IFT122: variants seen among roughly 807,000 people sequenced by gnomAD.
IFT122 encodes intraflagellar transport 122.
A neutral mutation model predicts 161.6 loss-of-function variants in IFT122; 118 were observed. The observed-to-expected ratio is 0.73, with a 90% CI of 0.63 to 0.85. IFT122 has a LOEUF of 0.85. Among genes scored for constraint, IFT122 ranks in the 40% least tolerant of loss-of-function variants. IFT122 has a pLI of 0.00. For synonymous variants in IFT122, 550 were observed against 602.4 expected, an observed-to-expected ratio of 0.91 and a Z score of 1.27; for missense variants, 1,381 against 1,579.6, an observed-to-expected ratio of 0.87 and a Z score of 2.13.
In IFT122 at chr3:129,507,683, A is replaced by G. The variant is rs777485821; in HGVS notation, c.2807A>G (p.Asp936Gly). 6.2e-7 allele frequency: 1 copy of G among 1,614,122 alleles called. No homozygotes were observed. The highest frequency in any genetic ancestry group is 8.5e-7 in the Non-Finnish European group (1 of 1,179,964). Residue 936 changes from aspartate (D) to glycine (G), a missense_variant, in exon 23 of 30, where the codon GAC becomes GGC. Transcript: ENST00000348417. ...LDIAQDPAQK[D>G]TMLGKFYHFQ... ...CACACAGCAGATCCTGCCCAGAAGG[A>G]CACAATGCTTGGCAAGTTCTACCAC...
At chr3:129,461,419 T>C (rs1577368983) in intron 5 of IFT122, 115 bp downstream of exon 5, 1 of 793,368 alleles carries the variant, frequency 1.3e-6, no homozygotes, top group East Asian at 2.5e-5. Context: ...ACTACTTCTC[T>C]ACCTTCAATG....
In IFT122 at chr3:129,464,619, T is replaced by C. The variant is rs192128912; in HGVS notation, c.417-16T>C. The C allele has an allele frequency of 2.8e-4, 454 of 1,614,124 alleles. No individual in the cohort carries two copies. The highest frequency in any genetic ancestry group is 5.7e-4 in the Admixed American group (34 of 60,018). On this transcript the variant is annotated splice_polypyrimidine_tract_variant and intron_variant, in intron 6 of 29. Coordinates refer to ENST00000348417, the MANE Select transcript of IFT122 (RefSeq NM_052989.3). ...GCTTCCCCTATCCCCATGCCTTTTGTTGGTTGTGTACACAGCTGGACAAAT... is the reference window on the plus strand; with the variant it reads ...GCTTCCCCTATCCCCATGCCTTTTGCTGGTTGTGTACACAGCTGGACAAAT...
At position 129,504,140 on chromosome 3, in the gene IFT122, T is replaced by G. The variant is rs2081940421; in HGVS notation, c.2548-179T>G. 6 of 610,970 alleles carry G rather than the reference T, an allele frequency of 9.8e-6. No homozygotes were observed. The South Asian group carries it at 1.1e-4, about 11-fold the overall frequency. The allele number at this position is 610,970 out of a possible 1,614,324, so 37.8% of individuals were successfully genotyped here. On this transcript the variant is annotated intron_variant, in intron 20 of 29. Transcript: ENST00000348417. ...CATATTGCTGTTAATTGCCTTTTGTTTTCGAAGAGCTGATTTGTTTTTGCA... is the reference window on the plus strand; with the variant it reads ...CATATTGCTGTTAATTGCCTTTTGTGTTCGAAGAGCTGATTTGTTTTTGCA...
At chr3:129,492,019 TGCTC>T in intron 16 of IFT122, 118 bp from the exon 17 acceptor site, 1 of 798,534 alleles carries the variant, frequency 1.3e-6, no homozygotes, top group East Asian at 2.4e-5. Context: ...AATCTGTGCT[TGCTC>T]CCTTCCTCTC....
chr3:129,518,926 C>T (rs2084370969), intron 27 of IFT122, among the ~76,000 whole-genome samples, 181 bp from the exon 28 acceptor site: 1 of 152,242 alleles, frequency 6.6e-6, no homozygotes, highest in African/African-American at 2.4e-5. Flanking sequence ...TGGGTGAGGG[C>T]AGCAGGGCCA....
intron 24 of IFT122, chr3:129,513,999 G>A (rs181654657): frequency 2.7e-6 from 1 of 364,612 alleles, no homozygotes; most frequent in Non-Finnish European, 5.4e-6. Context: ...AGGGAGTCTG[G>A]ACCAGGCCCC....
At position 129,455,575 on chromosome 3, in the gene IFT122, C is replaced by T. The variant is rs1019650539; in HGVS notation, c.194-3024C>T. On this transcript the variant is annotated intron_variant, in intron 3 of 29. Coordinates refer to ENST00000348417, the MANE Select transcript of IFT122 (RefSeq NM_052989.3). ...TAATATGAAGAAATAATAGAAATAGCTAATTTTTTTTTAATTCTATTCCAG... is the reference window on the plus strand; with the variant it reads ...TAATATGAAGAAATAATAGAAATAGTTAATTTTTTTTTAATTCTATTCCAG... Among the ~76,000 whole-genome samples the T allele has an allele frequency of 2.6e-5, 4 of 151,914 alleles. No homozygotes were observed. In the South Asian group the frequency reaches 8.3e-4, roughly 31 times the overall value.
In IFT122 at chr3:129,448,490, C is replaced by G. The variant is rs192442956; in HGVS notation, c.42-1381C>G. Among the ~76,000 whole-genome samples the G allele has an allele frequency of 7.1e-4, 108 of 152,300 alleles. 4 individuals carry two copies. Among genetic ancestry groups the G allele is most frequent in the Admixed American group, 6.2e-3 (95 of 15,298 alleles). ...TTGGGTGCGAAAAGCTGGCCACCCCCACCCTAATCTTTTATTATGCAGTTG... is the reference window on the plus strand; with the variant it reads ...TTGGGTGCGAAAAGCTGGCCACCCCGACCCTAATCTTTTATTATGCAGTTG... On this transcript the variant is annotated intron_variant, in intron 1 of 29. Coordinates refer to ENST00000348417, the MANE Select transcript of IFT122 (RefSeq NM_052989.3).
intron 15 of IFT122, among the ~76,000 whole-genome samples, chr3:129,486,096 C>T (rs774391989): frequency 6.6e-6 from 1 of 152,210 alleles, no homozygotes; most frequent in Non-Finnish European, 1.5e-5. Context: ...AAGTATAGCT[C>T]AGAGAGTATT....
intron 19 of IFT122, among the ~76,000 whole-genome samples, chr3:129,501,883 C>T (rs919886847): frequency 2.6e-5 from 4 of 152,206 alleles, no homozygotes; most frequent in Non-Finnish European, 1.5e-5. Context: ...CGTGCCTTGC[C>T]TGTCTCCAGA....
intron 18 of IFT122, among the ~76,000 whole-genome samples, chr3:129,496,097 C>T (rs1397600118): frequency 6.6e-6 from 1 of 152,184 alleles, no homozygotes; most frequent in African/African-American, 2.4e-5. Flanking sequence ...CAGGCAGAGC[C>T]TCCGCCCTCC....
In IFT122 at chr3:129,476,320, A is replaced by G; in HGVS notation, c.822A>G (p.Gly274=). 1 of 1,614,130 alleles carries G rather than the reference A, an allele frequency of 6.2e-7. No individual in the cohort carries two copies. Among genetic ancestry groups the G allele is most frequent in the Non-Finnish European group, 8.5e-7 (1 of 1,180,024 alleles). The change falls in exon 10 of 30, where the codon GGA becomes GGG. Residue 274 remains glycine, a synonymous_variant. Coordinates refer to ENST00000348417, the MANE Select transcript of IFT122 (RefSeq NM_052989.3). ...SFYQLSGKQI[G]KDRALNFDPC... ...TGTGTGTTCTTTTTCCTCAGATTGG[A>G]AAGGATCGGGCACTGAACTTTGACC...
At chr3:129,504,237 C>G (rs1050072926) in intron 20 of IFT122, 82 bp from the exon 21 acceptor site, 2 of 1,179,806 alleles carry the variant, frequency 1.7e-6, no homozygotes, top group Non-Finnish European at 2.5e-6. Flanking sequence ...TATGATGTCC[C>G]TAATGGATTC....
chr3:129,477,317 G>T (rs1399530933), intron 11 of IFT122, among the ~76,000 whole-genome samples: 2 of 152,172 alleles, frequency 1.3e-5, no homozygotes. Context: ...CCCTAAGACT[G>T]CAGTCTCTCC....
chr3:129,507,412 A>T (rs1198459859), intron 22 of IFT122, among the ~76,000 whole-genome samples: 1 of 152,168 alleles, frequency 6.6e-6, no homozygotes, highest in Non-Finnish European at 1.5e-5. Context: ...GCAGTGAGAG[A>T]TCTGGAAAAA....
chr3:129,485,277 G>A (rs1410572716), intron 15 of IFT122, among the ~76,000 whole-genome samples: 1 of 152,140 alleles, frequency 6.6e-6, no homozygotes, highest in Non-Finnish European at 1.5e-5. Flanking sequence ...TTTCCCTTCC[G>A]CTAGGCTCTG....
chr3:129,459,503 A>T (rs2075938156), intron 4 of IFT122: 1 of 284,152 alleles, frequency 3.5e-6, no homozygotes, highest in African/African-American at 2.4e-5. Flanking sequence ...GTTAGCTAGG[A>T]TGGTCTCGAT....
chr3:129,497,354 C>T (rs1454673338), intron 18 of IFT122, among the ~76,000 whole-genome samples: 4 of 152,348 alleles, frequency 2.6e-5, no homozygotes, highest in Non-Finnish European at 4.4e-5. Context: ...GGGAAAGGCT[C>T]TTCGGTTTGC....
chr3:129,519,603 C>G lies in IFT122; in HGVS notation c.3507C>G (p.Ser1169Arg). 1 of 1,613,548 alleles carries G rather than the reference C, an allele frequency of 6.2e-7. No homozygotes were observed. Among genetic ancestry groups the G allele is most frequent in the Non-Finnish European group, 8.5e-7 (1 of 1,180,016 alleles). The change falls in exon 29 of 30, where the codon AGC becomes AGG. Residue 1169 changes from serine (S) to arginine (R), a missense_variant. Transcript: ENST00000348417. ...GGSEFVPVVV[S>R]RLVLRSMSRR... ...CAGAGTTCGTGCCAGTGGTGGTGAG[C>G]CGGCTGGTGCTGCGCTCCATGAGCC...
Sources: gnomAD v4.1 joint callset for allele counts (sites outside exome capture counted in the v4.1 genomes callset) on GRCh38, gnomAD v4.1.1 for gene constraint, MANE v1.5 for transcripts, NCBI Gene and HGNC (gene_info 2026-07-23, HGNC 2026-07-21) for gene names.